The following PADI6 variants were observed in gnomAD, a reference collection of about 807,000 sequenced individuals.
PADI6 encodes peptidyl arginine deiminase 6.
Under a neutral mutation model 78.2 loss-of-function variants are expected in PADI6, and 66 were observed. That is an observed-to-expected ratio of 0.84 (90% CI 0.69 to 1.04). The LOEUF (loss-of-function observed/expected upper bound fraction) is 1.04. Ranked by LOEUF, PADI6 falls within the 50% of genes least tolerant of loss-of-function variation. PADI6 has a pLI of 0.00. For missense variants in PADI6, 854 were observed against 866.1 expected, an observed-to-expected ratio of 0.99 and a Z score of 0.18; for synonymous variants, 397 against 346.9, an observed-to-expected ratio of 1.14 and a Z score of -1.60.
intron 5 of PADI6, 61 bp downstream of exon 5, chr1:17,381,225 C>A: frequency 1.4e-6 from 2 of 1,395,156 alleles, no homozygotes; most frequent in Admixed American, 2.1e-5. Flanking sequence ...TGCTTCTCAG[C>A]AAATGGATTC....
intron 6 of PADI6, among the ~76,000 whole-genome samples, chr1:17,384,581 A>T (rs2075102821): frequency 6.6e-6 from 1 of 152,228 alleles, no homozygotes; most frequent in African/African-American, 2.4e-5. Context: ...TCTGCTAAAA[A>T]TACCAAAATT....
chr1:17,396,953 G>A, intron 13 of PADI6, 118 bp from the exon 14 acceptor site: 7 of 906,712 alleles, frequency 7.7e-6, no homozygotes, highest in East Asian at 2.6e-5. Context: ...CAGTCCTCTC[G>A]CCATGGTCAC....
At position 17,392,175 on chromosome 1, in the gene PADI6, C is replaced by T; in HGVS notation, c.1024C>T (p.Gln342Ter). Reference sequence around the variant, plus strand: ...GAAGCTGAGTGAGAAGAGCAACAGCCAGGTGGCATCTGTCTATGAGGACCC... The same window carrying T: ...GAAGCTGAGTGAGAAGAGCAACAGCTAGGTGGCATCTGTCTATGAGGACCC... The part of the protein sequence containing the change: ...VTKLSEKSNS[Q>*]VASVYEDPNR... The change falls in exon 9 of 16, where the codon CAG (glutamine) becomes TAG (stop). Residue 342 changes from glutamine to a stop codon, truncating the protein, a stop_gained. Coordinates refer to ENST00000619609, the MANE Select transcript of PADI6 (RefSeq NM_207421.4). LOFTEE classifies it high-confidence loss of function. 1.9e-6 allele frequency: 3 copies of T among 1,561,468 alleles called. No individual in the cohort carries two copies. Among genetic ancestry groups the T allele is most frequent in the South Asian group, 2.4e-5 (2 of 84,528 alleles).
At chr1:17,393,042 T>C (rs576693272) in intron 9 of PADI6, among the ~76,000 whole-genome samples, 3 of 151,968 alleles carry the variant, frequency 2.0e-5, no homozygotes, top group Non-Finnish European at 4.4e-5. Flanking sequence ...CCTACTCTGG[T>C]CACTGAGGCA....
intron 3 of PADI6, among the ~76,000 whole-genome samples, chr1:17,376,976 G>A (rs1281470564): frequency 3.9e-5 from 6 of 151,916 alleles, no homozygotes; most frequent in Non-Finnish European, 7.4e-5. Context: ...AGCCTCAAAC[G>A]ATCCTCTCAC....
At position 17,373,165 on chromosome 1, in the gene PADI6, C is replaced by A. The variant is rs779697940; in HGVS notation, c.226C>A (p.Pro76Thr). Residue 76 changes from proline to threonine, a missense_variant, in exon 2 of 16, where the codon CCC becomes ACC. By Grantham distance (38) the Pro-to-Thr change is conservative (BLOSUM62 -1). Coordinates refer to ENST00000619609, the MANE Select transcript of PADI6 (RefSeq NM_207421.4). ...GAAGGAGGACGCCACCATCTGGTGG[C>A]CCCTGTCTGATCCCACGTACGCCAC... ...SEKEDATIWWPLSDPTYATVK... is the reference protein window; with the variant it reads ...SEKEDATIWWTLSDPTYATVK... 1 of 1,613,964 alleles carries A rather than the reference C, an allele frequency of 6.2e-7. No individual in the cohort carries two copies.
intron 9 of PADI6, among the ~76,000 whole-genome samples, chr1:17,393,594 C>T (rs1298296855): frequency 2.0e-5 from 3 of 152,160 alleles, no homozygotes; most frequent in Non-Finnish European, 2.9e-5. Context: ...CCTCTGCCTC[C>T]TCCTGAGTAG....
chr1:17,381,456 GT>G (rs2075072433), intron 5 of PADI6, among the ~76,000 whole-genome samples: 1 of 152,212 alleles, frequency 6.6e-6, no homozygotes, highest in Non-Finnish European at 1.5e-5. Flanking sequence ...GGATGATGCA[GT>G]TGGCCTCCCA....
At chr1:17,387,130 G>A (rs963802118) in intron 6 of PADI6, among the ~76,000 whole-genome samples, 2 of 152,162 alleles carry the variant, frequency 1.3e-5, no homozygotes, top group Non-Finnish European at 2.9e-5. Context: ...AGAAGTCAGG[G>A]TCATTTCTGA....
At position 17,401,390 on chromosome 1, in the gene PADI6, C is replaced by T. The variant is rs532594096; in HGVS notation, c.2037C>T (p.Asn679=). ...TCGGAGACATCTGTGCCTGTGCCAACATCCGCCGGGTGCCCTTTGCCTTCA... is the reference window on the plus strand; with the variant it reads ...TCGGAGACATCTGTGCCTGTGCCAATATCCGCCGGGTGCCCTTTGCCTTCA... ...TEVGDICACA[N]IRRVPFAFKW... is the part of the protein sequence containing the mutation. Residue 679 remains asparagine (N), a synonymous_variant, in exon 16 of 16, where the codon AAC becomes AAT. Coordinates refer to ENST00000619609, the MANE Select transcript of PADI6 (RefSeq NM_207421.4). 3.0e-4 allele frequency: 477 copies of T among 1,614,090 alleles called. 7 individuals carry two copies. The South Asian group carries it at 5.0e-3, about 17-fold the overall frequency.
At position 17,395,006 on chromosome 1, in the gene PADI6, G is replaced by T. The variant is rs2075231384; in HGVS notation, c.1393G>T (p.Val465Phe). 6.2e-7 allele frequency: 1 copy of T among 1,613,800 alleles called. No homozygotes were observed. Among genetic ancestry groups the T allele is most frequent in the East Asian group, 2.2e-5 (1 of 44,882 alleles). Reference sequence around the variant, plus strand: ...CCGAGACTTCCTCTATGCCCAGCAGGTCCAAGCGCCGGTGGAGCTCTACTC... The same window carrying T: ...CCGAGACTTCCTCTATGCCCAGCAGTTCCAAGCGCCGGTGGAGCTCTACTC... ...TLRDFLYAQQ[V>F]QAPVELYSDW... Residue 465 changes from valine (V) to phenylalanine (F), a missense_variant, in exon 12 of 16, where the codon GTC becomes TTC. Transcript: ENST00000619609.
At position 17,392,115 on chromosome 1, in the gene PADI6, G is replaced by GAGCTGC. The variant is rs1275001332; in HGVS notation, c.973_978dup (p.Leu325_Gln326dup). ...GAACTGGCTTCTCTCCCATGGCAGGGAGCTGCAGCTGCAGGGTTTTGTGGA... is the reference window on the plus strand; with the variant it reads ...GAACTGGCTTCTCTCCCATGGCAGGGAGCTGCAGCTGCAGCTGCAGGGTTTTGTGGA... On this transcript the variant is annotated inframe_insertion and splice_region_variant, in exon 9 of 16. Coordinates refer to ENST00000619609, the MANE Select transcript of PADI6 (RefSeq NM_207421.4). 4 of 1,555,162 alleles carry GAGCTGC rather than the reference G, an allele frequency of 2.6e-6. No individual in the cohort carries two copies. The African/African-American group carries it at 4.1e-5, about 16-fold the overall frequency.
intron 2 of PADI6, 36 bp downstream of exon 2, chr1:17,373,269 G>A (rs898711826): frequency 2.2e-5 from 36 of 1,605,266 alleles, no homozygotes; most frequent in Middle Eastern, 1.8e-4. Context: ...GGCATCTCCC[G>A]GGGTGGGACC....
chr1:17,386,529 A>G (rs1201631812), intron 6 of PADI6, among the ~76,000 whole-genome samples: 7 of 152,230 alleles, frequency 4.6e-5, no homozygotes, highest in Admixed American at 3.9e-4. Context: ...TGCTGATGCT[A>G]TCGCAGGTCA....
chr1:17,382,143 C>T (rs570384831), intron 6 of PADI6, 51 bp downstream of exon 6: 1 of 1,600,150 alleles, frequency 6.2e-7, no homozygotes, highest in Admixed American at 1.7e-5. Context: ...ACGTGCCAGG[C>T]AAGTTGTGCC....
rs183039607 is a variant in PADI6 at position 17,381,224 on chromosome 1, G to A, written c.553+60G>A. ...GGTCTCTTTGCTGCCCTGCTTCTCA[G>A]CAAATGGATTCCAGACTAATTTTCT... On this transcript the variant is annotated intron_variant, in intron 5 of 15. Transcript: ENST00000619609. 7.8e-6 allele frequency: 11 copies of A among 1,406,146 alleles called. No homozygotes were observed. The African/African-American group carries it at 1.4e-4, about 18-fold the overall frequency. 87.1% of individuals were successfully genotyped at this position (1,406,146 alleles called of 1,614,324 possible).
chr1:17,391,620 G>A (rs1310856250), intron 8 of PADI6, among the ~76,000 whole-genome samples: 1 of 152,214 alleles, frequency 6.6e-6, no homozygotes, highest in Non-Finnish European at 1.5e-5. Context: ...ACAACGGCTT[G>A]AAGACCCCAG....
At chr1:17,380,198 T>G (rs1362633651) in intron 4 of PADI6, among the ~76,000 whole-genome samples, 1 of 152,202 alleles carries the variant, frequency 6.6e-6, no homozygotes, top group African/African-American at 2.4e-5. Flanking sequence ...TTTTTTGTTT[T>G]TTTTTGTTTG....
rs751379192 is a variant in PADI6, at chr1:17,381,038, C to T, written c.436-9C>T. The T allele has an allele frequency of 6.3e-6, 10 of 1,583,868 alleles. No individual in the cohort carries two copies. The Admixed American group carries it at 9.1e-5, about 14-fold the overall frequency. On this transcript the variant is annotated splice_polypyrimidine_tract_variant and intron_variant, in intron 4 of 15. Transcript: ENST00000619609. ...CCTTCCTGAGCCAATGTTCCCATCT[C>T]ATTTGCAGAAAAAATGGATCTGGGG... is the stretch of plus-strand genomic sequence containing the variant.
Sources: allele counts gnomAD v4.1 joint callset (sites outside exome capture counted in the v4.1 genomes callset), GRCh38; gene constraint gnomAD v4.1.1; transcripts MANE v1.5; gene names NCBI Gene and HGNC (gene_info 2026-07-23, HGNC 2026-07-21).